The following RIC3 variants were observed in gnomAD, a reference collection of about 807,000 sequenced individuals.
The protein encoded by RIC3 is protein RIC-3.
RIC3 carries 28 observed loss-of-function variants against 27.3 expected under a neutral mutation model. The ratio of observed to expected loss-of-function variants is 1.02; its 90% CI spans 0.76 to 1.41. The LOEUF (loss-of-function observed/expected upper bound fraction) is 1.41. Among genes scored for constraint, RIC3 ranks in the 40% most tolerant of loss-of-function variants. The pLI, the probability that RIC3 is intolerant of heterozygous loss-of-function variation, is 0.00. For synonymous variants in RIC3, 184 were observed against 160.4 expected (o/e 1.15, Z -1.11); for missense variants, 501 against 444.7 (o/e 1.13, Z -1.14).
chr11:8,124,778 G>A (rs1377742189), intron 5 of RIC3, among the ~76,000 whole-genome samples: 1 of 152,154 alleles, frequency 6.6e-6, no homozygotes, highest in Non-Finnish European at 1.5e-5. Flanking sequence ...TGTAACAAAA[G>A]AAGCTGAACA....
chr11:8,097,021 C>T, the RIC3 span, among the ~76,000 whole-genome samples: 9 of 152,132 alleles, frequency 5.9e-5, no homozygotes, highest in Non-Finnish European at 7.4e-5. Context: ...GAGGACCTCC[C>T]GTATCTCCCA....
At chr11:8,100,690 T>TG in the RIC3 span, 2 of 1,478,458 alleles carry the variant, frequency 1.4e-6, no homozygotes, top group Non-Finnish European at 1.9e-6. Context: ...GATGTGTGTA[T>TG]GTGGAGGGGT....
chr11:8,098,909 A>AGGTAG, the RIC3 span: 1 of 1,493,184 alleles, frequency 6.7e-7, no homozygotes, highest in Non-Finnish European at 9.3e-7. Context: ...CTGATTTCCA[A>AGGTAG]GGTAGATATG....
At chr11:8,143,404 A>T (rs1297403202) in intron 1 of RIC3, among the ~76,000 whole-genome samples, 1 of 151,274 alleles carries the variant, frequency 6.6e-6, no homozygotes, top group Non-Finnish European at 1.5e-5. Flanking sequence ...AGAGAGTCAA[A>T]TCATGAGTGA....
chr11:8,101,424 T>G, downstream of RIC3: 1 of 1,603,006 alleles, frequency 6.2e-7, no homozygotes, highest in East Asian at 2.2e-5. Flanking sequence ...CTGTCTATCC[T>G]TCCCTGGCTC....
intron 1 of RIC3, chr11:8,153,553 CT>C: frequency 3.1e-6 from 1 of 324,954 alleles, no homozygotes. Flanking sequence ...TCCACTGGTC[CT>C]TCAACCTATT....
intron 5 of RIC3, among the ~76,000 whole-genome samples, chr11:8,113,686 G>A (rs1387091322): frequency 6.6e-6 from 1 of 152,130 alleles, no homozygotes. Flanking sequence ...GCCCAACCCA[G>A]TAGACCCCAG....
downstream of RIC3, chr11:8,105,460 G>T (rs140952604): frequency 5.5e-5 from 8 of 144,432 alleles, 1 homozygote; most frequent in South Asian, 1.1e-3. Context: ...TGATACAGGC[G>T]GGAGGGGCAG....
In RIC3 at chr11:8,153,228, T is replaced by C. The variant is rs562454503; in HGVS notation, c.125-13035A>G. The C allele has an allele frequency of 1.4e-5, 4 of 283,632 alleles. No individual in the cohort carries two copies. The East Asian group carries it at 3.0e-4, about 21-fold the overall frequency. 17.6% of individuals were successfully genotyped at this position (283,632 alleles called of 1,614,324 possible). ...TCTGAGTACTTTACATGCGGTATTA[T>C]TGTTCACATATTTACTGCTGAGCAC... On this transcript the variant is annotated intron_variant, in intron 1 of 5. Coordinates refer to ENST00000309737, the MANE Select transcript of RIC3 (RefSeq NM_001206671.4).
intron 3 of RIC3, 122 bp downstream of exon 3, chr11:8,138,150 A>G (rs958362638): frequency 2.7e-5 from 17 of 628,482 alleles, no homozygotes; most frequent in African/African-American, 2.2e-4. Context: ...CAAAAATGGC[A>G]TCAGATTAAT....
the RIC3 span, among the ~76,000 whole-genome samples, chr11:8,093,247 G>A: frequency 6.6e-6 from 1 of 152,022 alleles, no homozygotes; most frequent in Non-Finnish European, 1.5e-5. Context: ...TCACTGAGGG[G>A]GGCGAGGGGG....
At position 8,140,131 on chromosome 11, in the gene RIC3, G is replaced by T. The variant is rs1329102883; in HGVS notation, c.187C>A (p.Pro63Thr). ...TGAGACCTCTGGAAACGAGCCCCAG[G>T]AGTCTGGCCATCTGAGGGTGCCTGG... The part of the protein sequence containing the change: ...HHQAPSDGQT[P>T]GARFQRSHLA... The change falls in exon 2 of 6, where the codon CCT (proline) becomes ACT (threonine). Residue 63 changes from proline (P) to threonine (T), a missense_variant. Transcript: ENST00000309737. The T allele has an allele frequency of 1.9e-6, 3 of 1,614,084 alleles. No individual in the cohort carries two copies. The East Asian group carries it at 6.7e-5, about 36-fold the overall frequency.
chr11:8,154,877 G>A (rs577930491), intron 1 of RIC3, among the ~76,000 whole-genome samples: 1 of 152,228 alleles, frequency 6.6e-6, no homozygotes, highest in African/African-American at 2.4e-5. Context: ...AGGTACTTAA[G>A]TATTCTGTAA....
At chr11:8,165,116 T>C (rs918149913) in intron 1 of RIC3, among the ~76,000 whole-genome samples, 3 of 152,186 alleles carry the variant, frequency 2.0e-5, no homozygotes, top group African/African-American at 7.2e-5. Context: ...AGGTTAAACA[T>C]GTAATAACCA....
chr11:8,100,927 T>C, the RIC3 span: 13 of 1,614,160 alleles, frequency 8.1e-6, no homozygotes, highest in East Asian at 2.2e-5. Flanking sequence ...CACAGTCCTA[T>C]GTACTCAACT....
At chr11:8,166,817 G>C (rs1951736407) in intron 1 of RIC3, among the ~76,000 whole-genome samples, 1 of 152,064 alleles carries the variant, frequency 6.6e-6, no homozygotes, top group Admixed American at 6.6e-5. Flanking sequence ...TAGAAGTAGA[G>C]GCTGCAGTGA....
At chr11:8,102,125 C>A (rs555215881), downstream of RIC3, 2 of 153,556 alleles carry the variant, frequency 1.3e-5, no homozygotes, top group African/African-American at 4.8e-5. Flanking sequence ...AAGCCTGGCC[C>A]TTAAACAACT....
chr11:8,144,264 T>G (rs1590272852), intron 1 of RIC3, among the ~76,000 whole-genome samples: 1 of 149,848 alleles, frequency 6.7e-6, no homozygotes, highest in African/African-American at 2.5e-5. Flanking sequence ...GGGAGAAAAT[T>G]TTCGCAACCT....
At chr11:8,137,306 CG>C (rs1486236269) in intron 4 of RIC3, 71 bp downstream of exon 4, 2 of 1,379,890 alleles carry the variant, frequency 1.4e-6, no homozygotes, top group East Asian at 4.6e-5. Context: ...TTAGAGGCCT[CG>C]GCCACTGCAC....
Sources: gnomAD v4.1 joint callset for allele counts (sites outside exome capture counted in the v4.1 genomes callset) on GRCh38, gnomAD v4.1.1 for gene constraint, MANE v1.5 for transcripts, NCBI Gene and HGNC (gene_info 2026-07-23, HGNC 2026-07-21) for gene names.